ATP9B: variants seen among roughly 807,000 people sequenced by gnomAD.
The protein encoded by ATP9B is ATPase phospholipid transporting 9B.
ATP9B carries 110 observed loss-of-function variants against 146.1 expected under a neutral mutation model. That is an observed-to-expected ratio of 0.75 (90% CI 0.65 to 0.88). ATP9B has a LOEUF of 0.88. Among genes scored for constraint, ATP9B ranks in the 40% least tolerant of loss-of-function variants. The probability of loss-of-function intolerance (pLI) is 0.00; values close to 1 mark genes in which losing one functional copy is unlikely to be tolerated. For missense variants in ATP9B, 1,499 were observed against 1,496.4 expected (o/e 1.00, Z -0.03); for synonymous variants, 604 against 569.7 (o/e 1.06, Z -0.86).
chr18:79,371,401 A>AC (rs2097069674), intron 26 of ATP9B, among the ~76,000 whole-genome samples: 1 of 130,710 alleles, frequency 7.7e-6, no homozygotes, highest in Non-Finnish European at 1.6e-5. Context: ...AAAAAAAAAA[A>AC]CAGTAGTGCT....
chr18:79,166,499 C>T (rs1485616092), intron 7 of ATP9B, among the ~76,000 whole-genome samples: 1 of 152,184 alleles, frequency 6.6e-6, no homozygotes, highest in Non-Finnish European at 1.5e-5. Context: ...TTACACATGA[C>T]ATCACAGGCC....
In ATP9B at chr18:79,345,485, G is replaced by A. The variant is rs748615677; in HGVS notation, c.2530G>A (p.Val844Met). Residue 844 changes from valine to methionine, a missense_variant, in exon 22 of 30, where the codon GTG (valine) becomes ATG (methionine). By Grantham distance (21) the Val-to-Met change is conservative (BLOSUM62 1). Coordinates refer to ENST00000426216, the MANE Select transcript of ATP9B (RefSeq NM_198531.5). ...FVELACQCPA[V>M]VCCRCSPTQK... The stretch of plus-strand genomic sequence containing the variant: ...GGAGCTGGCCTGCCAGTGCCCTGCC[G>A]TGGTTTGCTGCCGCTGCTCACCCAC... The A allele has an allele frequency of 6.2e-6, 10 of 1,613,740 alleles. No homozygotes were observed. Among genetic ancestry groups the A allele is most frequent in the Admixed American group, 3.3e-5 (2 of 60,028 alleles).
At chr18:79,176,791 A>G in intron 7 of ATP9B, 22 bp from the exon 8 acceptor site, 1 of 1,608,084 alleles carries the variant, frequency 6.2e-7, no homozygotes, top group Non-Finnish European at 8.5e-7. Context: ...AGAGTGGTAA[A>G]TTTTTATTCT....
chr18:79,113,252 A>G lies in ATP9B; in HGVS notation c.456A>G (p.Glu152=), dbSNP rs772374193. The change falls in exon 4 of 30, where the codon GAA becomes GAG. Residue 152 remains glutamate (E), a synonymous_variant. Coordinates refer to ENST00000426216, the MANE Select transcript of ATP9B (RefSeq NM_198531.5). ...CTTTTCCTTTTTAGGTTTTGTATGA[A>G]CAATTCAAGTTTTTCTTGAATCTCT... is the stretch of plus-strand genomic sequence containing the variant. ...VFTFIPGVLY[E]QFKFFLNLYF... 3 of 1,574,396 alleles carry G rather than the reference A, an allele frequency of 1.9e-6. No individual in the cohort carries two copies. The highest frequency in any genetic ancestry group is 2.7e-5 in the African/African-American group (2 of 73,526).
chr18:79,100,128 A>T, intron 2 of ATP9B, among the ~76,000 whole-genome samples: 1 of 152,224 alleles, frequency 6.6e-6, no homozygotes, highest in South Asian at 2.1e-4. Flanking sequence ...TCTGTCTCAA[A>T]AAATAAAATA....
chr18:79,151,088 G>T (rs2094682463), intron 6 of ATP9B, among the ~76,000 whole-genome samples: 1 of 152,136 alleles, frequency 6.6e-6, no homozygotes, highest in Non-Finnish European at 1.5e-5. Flanking sequence ...AAATTGACAG[G>T]CTGATTCTGA....
intron 7 of ATP9B, among the ~76,000 whole-genome samples, chr18:79,174,703 C>G (rs1307150873): frequency 6.6e-6 from 1 of 152,050 alleles, no homozygotes; most frequent in Non-Finnish European, 1.5e-5. Flanking sequence ...CCTTTATATC[C>G]TGTATTTTTG....
chr18:79,129,139 CAT>C (rs933245964), intron 5 of ATP9B, among the ~76,000 whole-genome samples: 4 of 152,156 alleles, frequency 2.6e-5, no homozygotes, highest in Non-Finnish European at 4.4e-5. Context: ...ATTTCTCAAA[CAT>C]ATGCAAGGCT....
chr18:79,163,829 G>C (rs1339508717), intron 7 of ATP9B, among the ~76,000 whole-genome samples: 1 of 146,260 alleles, frequency 6.8e-6, no homozygotes, highest in African/African-American at 2.5e-5. Flanking sequence ...AGGAATAGTT[G>C]TTTTAATATT....
chr18:79,157,513 T>A (rs2094813698), intron 7 of ATP9B, among the ~76,000 whole-genome samples: 1 of 152,048 alleles, frequency 6.6e-6, no homozygotes, highest in Non-Finnish European at 1.5e-5. Flanking sequence ...TGGAATGAGT[T>A]AAGAAGTGTT....
intron 7 of ATP9B, among the ~76,000 whole-genome samples, chr18:79,157,236 A>G (rs1600008559): frequency 3.0e-5 from 4 of 135,318 alleles, no homozygotes; most frequent in African/African-American, 1.1e-4. Flanking sequence ...ACACACACAC[A>G]CACACACACA....
chr18:79,110,284 A>G, intron 2 of ATP9B, 71 bp from the exon 3 acceptor site: 1 of 1,391,386 alleles, frequency 7.2e-7, no homozygotes, highest in Non-Finnish European at 9.6e-7. Context: ...GACTCTAAAT[A>G]TGTACAATTA....
Position 79,377,596 on chromosome 18 carries a change from G to T in ATP9B, c.*213G>T. 1.6e-6 allele frequency: 1 copy of T among 624,478 alleles called. No individual in the cohort carries two copies. The highest frequency in any genetic ancestry group is 2.0e-5 in the South Asian group (1 of 49,278). The allele number at this position is 624,478 out of a possible 1,614,324, so 38.7% of individuals were successfully genotyped here. A position where few individuals can be genotyped will look rare whatever the true frequency, so the allele number is the denominator to read the frequency against. On this transcript the variant is annotated 3_prime_UTR_variant, in exon 30 of 30. Coordinates refer to ENST00000426216, the MANE Select transcript of ATP9B (RefSeq NM_198531.5). ...CCCTGCCAGGCAAGCCCAGGGCACA[G>T]ATGCCAGGATGGCTTCTCCCTCTCA... is the stretch of plus-strand genomic sequence containing the variant.
At chr18:79,298,355 G>A (rs906280098) in intron 13 of ATP9B, among the ~76,000 whole-genome samples, 2 of 146,050 alleles carry the variant, frequency 1.4e-5, no homozygotes, top group African/African-American at 5.0e-5. Context: ...GTACGGTGCC[G>A]TTTATAATTC....
chr18:79,355,350 A>G (rs752899684), intron 25 of ATP9B, among the ~76,000 whole-genome samples: 1 of 152,240 alleles, frequency 6.6e-6, no homozygotes, highest in Non-Finnish European at 1.5e-5. Flanking sequence ...AGACTGGGAA[A>G]CAGTCATTAC....
chr18:79,237,400 T>G lies in ATP9B; in HGVS notation c.1108-15981T>G, dbSNP rs548182252. The stretch of plus-strand genomic sequence containing the variant: ...CCCCTTCCCCACTGTGTACACGGTC[T>G]GTGCATGAGTCAGTGTCCACGCACA... On this transcript the variant is annotated intron_variant, in intron 11 of 29. Transcript: ENST00000426216. Among the ~76,000 whole-genome samples the G allele has an allele frequency of 9.9e-5, 15 of 151,452 alleles. 1 individual carries two copies. Among genetic ancestry groups the G allele is most frequent in the South Asian group, 8.4e-4 (4 of 4,770 alleles).
At chr18:79,206,045 A>G (rs546573432) in intron 9 of ATP9B, among the ~76,000 whole-genome samples, 14 of 151,040 alleles carry the variant, frequency 9.3e-5, no homozygotes, top group African/African-American at 2.2e-4. Context: ...GGTTCACGCC[A>G]TTCTCCTGCC....
At chr18:79,303,510 C>T (rs2146472786) in intron 13 of ATP9B, 94 bp from the exon 14 acceptor site, 1 of 934,220 alleles carries the variant, frequency 1.1e-6, no homozygotes, top group Non-Finnish European at 1.7e-6. Flanking sequence ...CTGCTTCAGC[C>T]CATGAATGTG....
chr18:79,157,205 AATAC>A (rs1568296288), intron 7 of ATP9B, among the ~76,000 whole-genome samples: 1 of 101,122 alleles, frequency 9.9e-6, no homozygotes, highest in Non-Finnish European at 1.9e-5. Flanking sequence ...TACTAAAAAA[AATAC>A]ACACACACAC....
Sources: gnomAD v4.1 joint callset for allele counts (sites outside exome capture counted in the v4.1 genomes callset) on GRCh38, gnomAD v4.1.1 for gene constraint, MANE v1.5 for transcripts, NCBI Gene and HGNC (gene_info 2026-07-23, HGNC 2026-07-21) for gene names.